Variants in ETF1 observed in about 807,000 individuals in gnomAD.
ETF1 encodes the protein eukaryotic peptide chain release factor subunit 1.
In ETF1, 4 loss-of-function variants were observed where a neutral mutation model predicts 55.1. That is an observed-to-expected ratio of 0.07 (90% CI 0.04 to 0.17). ETF1 has a LOEUF of 0.17. ETF1 is among the 10% of genes least tolerant of loss of function. The pLI is 1.00. For missense variants in ETF1, 142 were observed against 523.6 expected, an observed-to-expected ratio of 0.27 and a Z score of 7.11; for synonymous variants, 157 against 182.3, an observed-to-expected ratio of 0.86 and a Z score of 1.12.
chr5:138,522,432 A>C (rs1765270179), intron 2 of ETF1, among the ~76,000 whole-genome samples: 1 of 152,140 alleles, frequency 6.6e-6, no homozygotes. Flanking sequence ...ACTTCCAGAA[A>C]ACAGTCTGGC....
intron 2 of ETF1, among the ~76,000 whole-genome samples, chr5:138,529,235 T>C (rs888046699): frequency 3.3e-5 from 5 of 152,126 alleles, no homozygotes; most frequent in African/African-American, 9.7e-5. Context: ...AAGATAAACA[T>C]TCATTTACCC....
At chr5:138,511,739 G>C in intron 6 of ETF1, 135 bp from the exon 7 acceptor site, 1 of 1,379,964 alleles carries the variant, frequency 7.2e-7, no homozygotes, top group Non-Finnish European at 9.4e-7. Context: ...CTAAATATGG[G>C]GAAGGAGCCC....
At chr5:138,512,258 A>ATATATATTT (rs1484458741) in intron 6 of ETF1, among the ~76,000 whole-genome samples, 1 of 20,006 alleles carries the variant, frequency 5.0e-5, no homozygotes, top group African/African-American at 1.9e-4. Context: ...ATATATATAT[A>ATATATATTT]TTTTTTTTTT....
rs980632298 is a variant in ETF1, at chr5:138,513,065, T to C, written c.542-111A>G. Reference sequence around the variant, plus strand: ...CATCTAAGAAAAGGACAAAGAAAAATCACCATTCCCTTAACTAAACGTTCA... The same window carrying C: ...CATCTAAGAAAAGGACAAAGAAAAACCACCATTCCCTTAACTAAACGTTCA... On this transcript the variant is annotated intron_variant, in intron 5 of 10. Transcript: ENST00000360541. 4.3e-6 allele frequency: 6 copies of C among 1,392,114 alleles called. No individual in the cohort carries two copies. In the Admixed American group the frequency reaches 1.9e-4, roughly 44 times the overall value. 86.2% of individuals were successfully genotyped at this position (1,392,114 alleles called of 1,614,324 possible).
intron 2 of ETF1, among the ~76,000 whole-genome samples, chr5:138,536,644 A>C (rs575848470): frequency 6.6e-6 from 1 of 152,346 alleles, no homozygotes; most frequent in African/African-American, 2.4e-5. Flanking sequence ...GGCTGGACTG[A>C]GAAGTAATTT....
In ETF1 at chr5:138,518,720, T is replaced by C. The variant is rs1765120055; in HGVS notation, c.234A>G (p.Val78=). The C allele has an allele frequency of 6.2e-7, 1 of 1,613,782 alleles. No individual in the cohort carries two copies. The stretch of plus-strand genomic sequence containing the variant: ...TGTTATAAAGTTTGAGTCTTTGTTG[T>C]ACAGATGTAATGGCTCCCAGGACTG... ...RLSVLGAITS[V]QQRLKLYNKV... Residue 78 remains valine (V), a synonymous_variant, in exon 3 of 11, where the codon GTA becomes GTG. Transcript: ENST00000360541.
At chr5:138,541,988 T>G (rs1454398322) in intron 2 of ETF1, among the ~76,000 whole-genome samples, 1 of 152,146 alleles carries the variant, frequency 6.6e-6, no homozygotes, top group South Asian at 2.1e-4. Flanking sequence ...TCAAAGCCCA[T>G]TTAATTCAAT....
At chr5:138,514,352 G>A (rs1764930280) in intron 4 of ETF1, among the ~76,000 whole-genome samples, 1 of 152,130 alleles carries the variant, frequency 6.6e-6, no homozygotes, top group Admixed American at 6.6e-5. Flanking sequence ...TCAGGAGTTT[G>A]AGACTGGCCT....
chr5:138,512,650 C>A, intron 6 of ETF1, 114 bp downstream of exon 6: 2 of 906,436 alleles, frequency 2.2e-6, no homozygotes, highest in South Asian at 1.9e-5. Flanking sequence ...AACTCAGAGG[C>A]AAGTTTTTAA....
intron 2 of ETF1, among the ~76,000 whole-genome samples, chr5:138,531,215 A>G (rs1765685933): frequency 6.6e-6 from 1 of 152,192 alleles, no homozygotes; most frequent in South Asian, 2.1e-4. Flanking sequence ...TCACACGCGC[A>G]CACAAAAAAG....
intron 7 of ETF1, 32 bp downstream of exon 7, chr5:138,511,443 T>C (rs893529588): frequency 6.2e-7 from 1 of 1,608,296 alleles, no homozygotes; most frequent in Admixed American, 1.7e-5. Flanking sequence ...CGAAAACATT[T>C]CACAGAATAA....
chr5:138,534,925 G>GGA (rs1647597919), intron 2 of ETF1, among the ~76,000 whole-genome samples: 1 of 151,100 alleles, frequency 6.6e-6, no homozygotes. Context: ...ATAAGGGGGG[G>GGA]GGTCAAATGT....
chr5:138,512,117 T>C (rs571547379), intron 6 of ETF1: 1 of 139,044 alleles, frequency 7.2e-6, no homozygotes, highest in East Asian at 2.4e-4. Flanking sequence ...GGAGGATCAC[T>C]TAAGCCTGGG....
At chr5:138,515,211 G>A (rs558612403) in intron 4 of ETF1, among the ~76,000 whole-genome samples, 8 of 152,280 alleles carry the variant, frequency 5.3e-5, no homozygotes, top group African/African-American at 1.7e-4. Context: ...TGGATCACTC[G>A]AGGTCAGGAG....
chr5:138,507,786 G>C lies in ETF1; in HGVS notation c.*519C>G, dbSNP rs1764611724. Reference sequence around the variant, plus strand: ...TTAAACAGAGACCAAGAGAGAAATGGTTCCAACATTTCACCACATATATTT... The same window carrying C: ...TTAAACAGAGACCAAGAGAGAAATGCTTCCAACATTTCACCACATATATTT... On this transcript the variant is annotated 3_prime_UTR_variant, in exon 11 of 11. Transcript: ENST00000360541. The C allele has an allele frequency of 6.5e-6, 1 of 153,120 alleles. No individual in the cohort carries two copies. Among genetic ancestry groups the C allele is most frequent in the Admixed American group, 6.5e-5 (1 of 15,338 alleles). 9.5% of individuals were successfully genotyped at this position (153,120 alleles called of 1,614,324 possible). A position where few individuals can be genotyped will look rare whatever the true frequency, so the allele number is the denominator to read the frequency against.
Position 138,507,364 on chromosome 5 carries a change from C to T in ETF1, c.*941G>A, listed in dbSNP as rs575774528. On this transcript the variant is annotated 3_prime_UTR_variant, in exon 11 of 11. Coordinates refer to ENST00000360541, the MANE Select transcript of ETF1 (RefSeq NM_004730.4). Reference sequence around the variant, plus strand: ...ATTCACATAATCTCATGCCATCCAACACAAGGAAAACACATCCACCTCCCT... The same window carrying T: ...ATTCACATAATCTCATGCCATCCAATACAAGGAAAACACATCCACCTCCCT... 2.0e-5 allele frequency: 3 copies of T among 152,724 alleles called. No individual in the cohort carries two copies. The highest frequency in any genetic ancestry group is 1.3e-4 in the Admixed American group (2 of 15,290). The allele number at this position is 152,724 out of a possible 1,614,324, so 9.5% of individuals were successfully genotyped here.
intron 2 of ETF1, chr5:138,542,548 T>G (rs1007244806): frequency 1.7e-6 from 2 of 1,180,626 alleles, no homozygotes; most frequent in Non-Finnish European, 2.2e-6. Flanking sequence ...GACCTGGACT[T>G]AAGGGCCCGG....
intron 2 of ETF1, among the ~76,000 whole-genome samples, chr5:138,536,056 G>C (rs865784306): frequency 7.9e-5 from 12 of 152,046 alleles, no homozygotes; most frequent in Admixed American, 3.3e-4. Flanking sequence ...AAAATGTCTA[G>C]TGCCCAACTC....
intron 3 of ETF1, chr5:138,517,919 C>T (rs1262937644): frequency 1.0e-6 from 1 of 984,364 alleles, no homozygotes; most frequent in Non-Finnish European, 1.2e-6. Context: ...AGTAAACAGG[C>T]TGGACGTGGT....
Sources: gnomAD v4.1 joint callset for allele counts (sites outside exome capture counted in the v4.1 genomes callset) on GRCh38, gnomAD v4.1.1 for gene constraint, MANE v1.5 for transcripts, NCBI Gene and HGNC (gene_info 2026-07-23, HGNC 2026-07-21) for gene names.